TGFBR2: variants seen among roughly 807,000 people sequenced by gnomAD.
TGFBR2 encodes transforming growth factor beta receptor 2.
In TGFBR2, 18 loss-of-function variants were observed where a neutral mutation model predicts 49.0. The observed-to-expected ratio is 0.37, with a 90% CI of 0.25 to 0.54. The LOEUF (loss-of-function observed/expected upper bound fraction) is 0.54. Ranked by LOEUF, TGFBR2 falls within the 20% of genes least tolerant of loss-of-function variation. The pLI, the probability that TGFBR2 is intolerant of heterozygous loss-of-function variation, is 0.85. For synonymous variants in TGFBR2, 282 were observed against 275.9 expected (o/e 1.02, Z -0.22); for missense variants, 525 against 722.6 (o/e 0.73, Z 3.13).
chr3:30,639,807 C>A (rs1185224161), intron 1 of TGFBR2, among the ~76,000 whole-genome samples: 1 of 152,162 alleles, frequency 6.6e-6, no homozygotes, highest in Non-Finnish European at 1.5e-5. Context: ...TTCAATGATA[C>A]ACGAATGCAT....
intron 1 of TGFBR2, among the ~76,000 whole-genome samples, chr3:30,620,886 A>T (rs1698219143): frequency 6.6e-6 from 1 of 152,204 alleles, no homozygotes; most frequent in Non-Finnish European, 1.5e-5. Flanking sequence ...CATATTGCAA[A>T]GGTGACCCCT....
rs146030104 is a variant in TGFBR2 at position 30,672,098 on chromosome 3, C to G, written c.915C>G (p.Leu305=). 11 of 1,614,224 alleles carry G rather than the reference C, an allele frequency of 6.8e-6. No homozygotes were observed. The South Asian group carries it at 8.8e-5, about 13-fold the overall frequency. ...SDINLKHENI[L]QFLTAEERKT... is the part of the protein sequence containing the mutation. ...TCAATCTGAAGCATGAGAACATACT[C>G]CAGTTCCTGACGGCTGAGGAGCGGA... Residue 305 remains leucine, a synonymous_variant, in exon 4 of 7, where the codon CTC becomes CTG. Coordinates refer to ENST00000295754, the MANE Select transcript of TGFBR2 (RefSeq NM_003242.6). This position sits in a 1 kb window ranked among gnomAD's most constrained non-coding sequence, Gnocchi z 4.5.
intron 2 of TGFBR2, among the ~76,000 whole-genome samples, chr3:30,646,747 C>T (rs933174505): frequency 2.6e-5 from 4 of 152,000 alleles, no homozygotes; most frequent in East Asian, 1.9e-4. Flanking sequence ...AGCTTCCTTC[C>T]GTGGTTTCTT....
chr3:30,621,149 C>G (rs1042330840), intron 1 of TGFBR2, among the ~76,000 whole-genome samples: 3 of 152,156 alleles, frequency 2.0e-5, no homozygotes, highest in African/African-American at 7.2e-5. Context: ...CAGATCATCA[C>G]CCATGTAGCC....
At chr3:30,620,543 T>C (rs1419937963) in intron 1 of TGFBR2, among the ~76,000 whole-genome samples, 4 of 152,122 alleles carry the variant, frequency 2.6e-5, no homozygotes, top group Non-Finnish European at 5.9e-5. Context: ...GTCTGCAGTC[T>C]TTAGTTTCTG....
intron 1 of TGFBR2, among the ~76,000 whole-genome samples, chr3:30,611,923 A>G (rs1457530688): frequency 6.6e-6 from 1 of 152,174 alleles, no homozygotes; most frequent in Non-Finnish European, 1.5e-5. Context: ...CCAGGTCCTT[A>G]TGTACAACTT....
rs1699722867 is a variant in TGFBR2, at chr3:30,692,202, G to A, written c.*603G>A. On this transcript the variant is annotated 3_prime_UTR_variant, in exon 7 of 7. Coordinates refer to ENST00000295754, the MANE Select transcript of TGFBR2 (RefSeq NM_003242.6). ...TTGCAAAATAATCATTCCCTGCCTA[G>A]CACTTCTCTTCTGGCCATGGAACTA... 1 of 227,594 alleles carries A rather than the reference G, an allele frequency of 4.4e-6. No homozygotes were observed. The highest frequency in any genetic ancestry group is 5.7e-5 in the Admixed American group (1 of 17,566). 14.1% of individuals were successfully genotyped at this position (227,594 alleles called of 1,614,324 possible).
At chr3:30,650,485 TG>T in intron 3 of TGFBR2, 25 bp downstream of exon 3, 1 of 1,613,338 alleles carries the variant, frequency 6.2e-7, no homozygotes, top group Non-Finnish European at 8.5e-7. Context: ...CTTAAGGGTG[TG>T]GGACCTGAGA....
At chr3:30,671,414 A>C (rs1011831615) in intron 3 of TGFBR2, among the ~76,000 whole-genome samples, 2 of 152,254 alleles carry the variant, frequency 1.3e-5, no homozygotes, top group Admixed American at 6.5e-5. Flanking sequence ...GTGACATTTA[A>C]GCTGAAGTTT....
intron 2 of TGFBR2, among the ~76,000 whole-genome samples, chr3:30,647,647 A>T (rs995138175): frequency 5.3e-5 from 8 of 151,772 alleles, no homozygotes; most frequent in African/African-American, 9.7e-5. Context: ...GCCTCCAAGG[A>T]TAGAAATATT....
At chr3:30,683,348 C>T (rs1417496017) in intron 5 of TGFBR2, among the ~76,000 whole-genome samples, 1 of 152,114 alleles carries the variant, frequency 6.6e-6, no homozygotes, top group Non-Finnish European at 1.5e-5. Context: ...GTGTTTTGTG[C>T]CTTTAATAGC....
At chr3:30,656,527 T>C (rs766880994) in intron 3 of TGFBR2, among the ~76,000 whole-genome samples, 46 of 152,162 alleles carry the variant, frequency 3.0e-4, no homozygotes, top group Non-Finnish European at 5.4e-4. Context: ...AGAGTAATAG[T>C]GTGGTTCTAA....
chr3:30,638,334 G>A lies in TGFBR2; in HGVS notation c.95-6413G>A, dbSNP rs545231931. On this transcript the variant is annotated intron_variant, in intron 1 of 6. Transcript: ENST00000295754. ...GTATTCACTTTGTCATCTCTGAAAG[G>A]TTTTAAAGTATTATTACTACAAAAA... Among the ~76,000 whole-genome samples the A allele has an allele frequency of 4.6e-5, 7 of 152,284 alleles. No homozygotes were observed. In the South Asian group the frequency reaches 1.5e-3, roughly 32 times the overall value.
At chr3:30,623,078 A>T in intron 1 of TGFBR2, 1 of 678,850 alleles carries the variant, frequency 1.5e-6, no homozygotes, top group Non-Finnish European at 2.7e-6. Context: ...TAGTTATAAT[A>T]ATCTTTTAAT....
At chr3:30,673,958 T>C (rs1699386357) in intron 4 of TGFBR2, 147 bp from the exon 5 acceptor site, 1 of 878,128 alleles carries the variant, frequency 1.1e-6, no homozygotes, top group African/African-American at 1.7e-5. Flanking sequence ...ATCTGTACCT[T>C]TCTGTGCATT....
At chr3:30,615,081 C>T (rs2163417) in intron 1 of TGFBR2, among the ~76,000 whole-genome samples, 15,079 of 152,186 alleles carry the variant, frequency 0.099, 815 homozygotes, top group South Asian at 0.22. Context: ...GTGTATACCT[C>T]AAGTGATACA....
rs11466484 is a variant in TGFBR2, at chr3:30,622,866, C to T, written c.94+15889C>T. On this transcript the variant is annotated intron_variant, in intron 1 of 6. Transcript: ENST00000295754. ...CTGCACTCCAGCCTGGGCAACAGAGCGAGACTTTGTCTCAAAAAAAAAAAA... is the reference window on the plus strand; with the variant it reads ...CTGCACTCCAGCCTGGGCAACAGAGTGAGACTTTGTCTCAAAAAAAAAAAA... Among the ~76,000 whole-genome samples, 495 of 99,972 alleles carry T rather than the reference C, an allele frequency of 5.0e-3. 6 individuals carry two copies. The highest frequency in any genetic ancestry group is 0.019 in the African/African-American group (465 of 24,698). 65.6% of individuals were successfully genotyped at this position (99,972 alleles called of 152,430 possible). A position where few individuals can be genotyped will look rare whatever the true frequency, so the allele number is the denominator to read the frequency against.
At chr3:30,678,720 A>G (rs576722582) in intron 5 of TGFBR2, among the ~76,000 whole-genome samples, 3 of 152,236 alleles carry the variant, frequency 2.0e-5, no homozygotes, top group African/African-American at 7.2e-5. Flanking sequence ...TGCCATTGGT[A>G]ATATGGATAT....
chr3:30,623,230 C>A, intron 1 of TGFBR2: 1 of 1,608,724 alleles, frequency 6.2e-7, no homozygotes, highest in Non-Finnish European at 8.5e-7. Flanking sequence ...AAGATGAAAT[C>A]ATCTGCCCCA....
Sources: gnomAD v4.1 joint callset for allele counts (sites outside exome capture counted in the v4.1 genomes callset) on GRCh38, gnomAD v4.1.1 for gene constraint, Gnocchi (gnomAD v3.1) non-coding constraint, MANE v1.5 for transcripts, NCBI Gene and HGNC (gene_info 2026-07-23, HGNC 2026-07-21) for gene names.